The following GPX6 variants were observed in gnomAD, a reference collection of about 807,000 sequenced individuals.
The protein encoded by GPX6 is glutathione peroxidase 6.
In GPX6, 21 loss-of-function variants were observed where a neutral mutation model predicts 20.0. That is an observed-to-expected ratio of 1.05 (90% confidence interval 0.74 to 1.51). The LOEUF (loss-of-function observed/expected upper bound fraction) is 1.51. Ranked by LOEUF, GPX6 falls within the 40% of genes most tolerant of loss-of-function variation. The pLI, the probability that GPX6 is intolerant of heterozygous loss-of-function variation, is 0.00. For synonymous variants in GPX6, 75 were observed against 98.0 expected (o/e 0.77, Z 1.38); for missense variants, 233 against 254.7 (o/e 0.91, Z 0.58).
At position 28,510,802 on chromosome 6, in the gene GPX6, C is replaced by A. The variant is rs371086775; in HGVS notation, c.190G>T (p.Val64Phe). 678 of 1,614,140 alleles carry A rather than the reference C, an allele frequency of 4.2e-4. 9 individuals are homozygous for A. The South Asian group carries it at 5.5e-3, about 13-fold the overall frequency. The change falls in exon 2 of 5, where the codon GTC (valine) becomes TTC (phenylalanine). Residue 64 changes from valine to phenylalanine, a missense_variant. By Grantham distance (50) the Val-to-Phe change is conservative. Coordinates refer to ENST00000361902, the MANE Select transcript of GPX6 (RefSeq NM_182701.1). ...IQFKQFAGKH[V>F]LFVNVAAYUG... ...TAGGCGGCCACATTGACAAACAGGACGTGCTTGCCTGCAAACTGCTTGAAT... is the reference window on the plus strand; with the variant it reads ...TAGGCGGCCACATTGACAAACAGGAAGTGCTTGCCTGCAAACTGCTTGAAT...
At position 28,506,333 on chromosome 6, in the gene GPX6, G is replaced by A. The variant is rs1415715141; in HGVS notation, c.338C>T (p.Ser113Leu). Residue 113 changes from serine to leucine, a missense_variant, in exon 3 of 5, where the codon TCA becomes TTA. Transcript: ENST00000361902. ...QFGKQEPGTN[S>L]EILLGLKYVC... ...TCACTTGAGACCAAGAAGTATTTCT[G>A]AGTTTGTTCCTGGTTCTTGTTTTCC... The A allele has an allele frequency of 8.1e-6, 13 of 1,611,612 alleles. 1 individual carries two copies. In the East Asian group the frequency reaches 8.9e-5, roughly 11 times the overall value.
At chr6:28,512,052 G>A (rs1244244604) in intron 1 of GPX6, among the ~76,000 whole-genome samples, 1 of 152,238 alleles carries the variant, frequency 6.6e-6, no homozygotes, top group African/African-American at 2.4e-5. Flanking sequence ...CCTGCAGCCC[G>A]CCATGCCTGA....
intron 1 of GPX6, 39 bp downstream of exon 1, chr6:28,515,618 C>T (rs753447139): frequency 2.6e-6 from 4 of 1,539,490 alleles, no homozygotes; most frequent in East Asian, 2.2e-5. Flanking sequence ...TTGGTCATCA[C>T]GTGCTGGAAT....
At chr6:28,515,316 G>A (rs1366293499) in intron 1 of GPX6, among the ~76,000 whole-genome samples, 1 of 152,088 alleles carries the variant, frequency 6.6e-6, no homozygotes, top group Non-Finnish European at 1.5e-5. Context: ...GATCCACAGC[G>A]CTACTCCAAG....
chr6:28,515,585 T>G, intron 1 of GPX6, 72 bp downstream of exon 1: 2 of 1,124,982 alleles, frequency 1.8e-6, no homozygotes, highest in Admixed American at 1.7e-5. Context: ...AGTAGAGAAC[T>G]CCTTGCAACT....
chr6:28,510,529 C>T (rs988714285), intron 2 of GPX6, among the ~76,000 whole-genome samples: 1 of 152,116 alleles, frequency 6.6e-6, no homozygotes, highest in Non-Finnish European at 1.5e-5. Context: ...CAAGTGTGCT[C>T]CTGGTGGTCT....
intron 2 of GPX6, among the ~76,000 whole-genome samples, chr6:28,507,523 A>T (rs1443156775): frequency 1.3e-5 from 2 of 152,228 alleles, no homozygotes; most frequent in African/African-American, 4.8e-5. Flanking sequence ...TCACAGCAAC[A>T]CAATGGAATA....
Position 28,506,441 on chromosome 6 carries a change from C to G in GPX6, c.242-12G>C, listed in dbSNP as rs974334. On this transcript the variant is annotated splice_polypyrimidine_tract_variant and intron_variant, in intron 2 of 4. Coordinates refer to ENST00000361902, the MANE Select transcript of GPX6 (RefSeq NM_182701.1). ...TAGTGCATTCAGTTCTGTAAGTGGA[C>G]AATGAATAGCAGGGGTGGGCTGGTC... 0.21 allele frequency: 324,403 copies of G among 1,510,494 alleles called. 41,723 individuals carry two copies. Among genetic ancestry groups the G allele is most frequent in the East Asian group, 0.5 (22,132 of 44,436 alleles). 93.6% of individuals were successfully genotyped at this position (1,510,494 alleles called of 1,614,324 possible). A position where few individuals can be genotyped will look rare whatever the true frequency, so the allele number is the denominator to read the frequency against.
Position 28,510,780 on chromosome 6 carries a change from G to C in GPX6, c.212C>G (p.Ala71Gly), listed in dbSNP as rs1461795888. Residue 71 changes from alanine to glycine, a missense_variant, in exon 2 of 5, where the codon GCC (alanine) becomes GGC (glycine). Physicochemically the swap from Ala to Gly is moderately conservative, Grantham distance 60. Coordinates refer to ENST00000361902, the MANE Select transcript of GPX6 (RefSeq NM_182701.1). Reference protein sequence around the residue: ...GKHVLFVNVAAYUGLAAQYPE... With the variant: ...GKHVLFVNVAGYUGLAAQYPE... ...ATACTGAGCTGCCAAGCCTCAATAG[G>C]CGGCCACATTGACAAACAGGACGTG... 6 of 1,613,844 alleles carry C rather than the reference G, an allele frequency of 3.7e-6. No individual in the cohort carries two copies. Among genetic ancestry groups the C allele is most frequent in the Admixed American group, 1.7e-5 (1 of 59,994 alleles).
rs56155284 is a variant in GPX6 at position 28,506,706 on chromosome 6, A to AACACACACACACAC, written c.242-291_242-278dup. On this transcript the variant is annotated intron_variant, in intron 2 of 4. Transcript: ENST00000361902. ...ATGAGAACTCTTATTTTTTTTTTTA[A>AACACACACACACAC]ACACACACACACACACACACACACA... Among the ~76,000 whole-genome samples, 302 of 145,168 alleles carry AACACACACACACAC rather than the reference A, an allele frequency of 2.1e-3. 2 individuals carry two copies. Among genetic ancestry groups the AACACACACACACAC allele is most frequent in the African/African-American group, 7.0e-3 (271 of 38,846 alleles).
intron 4 of GPX6, 69 bp from the exon 5 acceptor site, chr6:28,504,567 A>G (rs996037009): frequency 4.4e-6 from 6 of 1,365,220 alleles, no homozygotes; most frequent in Non-Finnish European, 5.1e-6. Context: ...TGTGTGGTAC[A>G]GTTTTATCTC....
At chr6:28,505,438 A>G (rs1762798351) in intron 4 of GPX6, among the ~76,000 whole-genome samples, 1 of 152,240 alleles carries the variant, frequency 6.6e-6, no homozygotes, top group South Asian at 2.1e-4. Context: ...GTTAACTCAT[A>G]TAGCACATAC....
chr6:28,505,956 AT>A (rs1762802584), intron 3 of GPX6, among the ~76,000 whole-genome samples, 154 bp from the exon 4 acceptor site: 1 of 152,230 alleles, frequency 6.6e-6, no homozygotes, highest in Non-Finnish European at 1.5e-5. Flanking sequence ...GGGAAGCAGG[AT>A]TTTATGCAAT....
At chr6:28,510,714 A>G in intron 2 of GPX6, 37 bp downstream of exon 2, 1 of 1,598,050 alleles carries the variant, frequency 6.3e-7, no homozygotes. Flanking sequence ...CTATCTGGCA[A>G]TGCTGCTTCC....
chr6:28,508,420 C>T (rs1024755609), intron 2 of GPX6, among the ~76,000 whole-genome samples: 1 of 152,126 alleles, frequency 6.6e-6, no homozygotes, highest in Non-Finnish European at 1.5e-5. Context: ...TTCTCACTTA[C>T]TAAATGATAC....
intron 1 of GPX6, among the ~76,000 whole-genome samples, chr6:28,512,991 T>G (rs1249669696): frequency 6.6e-6 from 1 of 151,762 alleles, no homozygotes; most frequent in Non-Finnish European, 1.5e-5. Context: ...CTTAAAGAAC[T>G]GGGTTTCATT....
At chr6:28,511,622 A>C (rs1305667754) in intron 1 of GPX6, among the ~76,000 whole-genome samples, 2 of 152,250 alleles carry the variant, frequency 1.3e-5, no homozygotes, top group African/African-American at 4.8e-5. Context: ...GAACACACTC[A>C]ACTGGCTGGA....
rs909023008 is a variant in GPX6 at position 28,510,832 on chromosome 6, T to C, written c.160A>G (p.Ile54Val). ...TTGCCTGCAAACTGCTTGAATTGGATGTACTCCTCGCCGTTGAGGGTGAGG... is the reference window on the plus strand; with the variant it reads ...TTGCCTGCAAACTGCTTGAATTGGACGTACTCCTCGCCGTTGAGGGTGAGG... Reference protein sequence around the residue: ...GALTLNGEEYIQFKQFAGKHV... With the variant: ...GALTLNGEEYVQFKQFAGKHV... The change falls in exon 2 of 5, where the codon ATC (isoleucine) becomes GTC (valine). Residue 54 changes from isoleucine (I) to valine (V), a missense_variant. Physicochemically the swap from Ile to Val is conservative, Grantham distance 29 (BLOSUM62 3). Coordinates refer to ENST00000361902, the MANE Select transcript of GPX6 (RefSeq NM_182701.1). The C allele has an allele frequency of 2.5e-6, 4 of 1,614,014 alleles. No homozygotes were observed. In the African/African-American group the frequency reaches 5.3e-5, roughly 22 times the overall value.
intron 4 of GPX6, among the ~76,000 whole-genome samples, chr6:28,505,190 T>G (rs1762796254): frequency 6.6e-6 from 1 of 152,364 alleles, no homozygotes; most frequent in South Asian, 2.1e-4. Context: ...ATTGTCTTTT[T>G]TCCCTTGTTT....
Sources: gnomAD v4.1 joint callset for allele counts (sites outside exome capture counted in the v4.1 genomes callset) on GRCh38, gnomAD v4.1.1 for gene constraint, MANE v1.5 for transcripts, NCBI Gene and HGNC (gene_info 2026-07-23, HGNC 2026-07-21) for gene names.